Variants in FCRLB observed in about 807,000 individuals in gnomAD.
The protein encoded by FCRLB is Fc receptor-like B.
A neutral mutation model predicts 33.6 loss-of-function variants in FCRLB; 34 were observed. The ratio of observed to expected loss-of-function variants is 1.01; its 90% CI spans 0.77 to 1.35. The LOEUF (loss-of-function observed/expected upper bound fraction) is 1.35. Among genes scored for constraint, FCRLB ranks in the 40% most tolerant of loss-of-function variants. The probability of loss-of-function intolerance (pLI) is 0.00; values close to 1 mark genes in which losing one functional copy is unlikely to be tolerated. For missense variants in FCRLB, 560 were observed against 580.2 expected, an observed-to-expected ratio of 0.97 and a Z score of 0.36; for synonymous variants, 280 against 255.9, an observed-to-expected ratio of 1.09 and a Z score of -0.90.
intron 5 of FCRLB, among the ~76,000 whole-genome samples, chr1:161,725,180 A>C (rs1471774792): frequency 6.6e-6 from 1 of 152,176 alleles, no homozygotes; most frequent in African/African-American, 2.4e-5. Context: ...GTTATAGTTG[A>C]TTCTCATGGT....
chr1:161,726,062 C>T lies in FCRLB; in HGVS notation c.549C>T (p.Ser183=), dbSNP rs1195587552. The T allele has an allele frequency of 1.2e-6, 2 of 1,611,604 alleles. No individual in the cohort carries two copies. The highest frequency in any genetic ancestry group is 1.7e-6 in the Non-Finnish European group (2 of 1,178,344). Residue 183 remains serine, a synonymous_variant, in exon 6 of 8, where the codon TCC becomes TCT. Coordinates refer to ENST00000367948, the Ensembl canonical transcript of FCRLB. This position sits in a 1 kb window ranked among gnomAD's most constrained non-coding sequence, Gnocchi z 5.2. Reference sequence around the variant, plus strand: ...CGGTGGAGAGCGCGCCCATGTTCTCCGCTAAGGTGGCTGTGACAGTGCAAG... The same window carrying T: ...CGGTGGAGAGCGCGCCCATGTTCTCTGCTAAGGTGGCTGTGACAGTGCAAG...
rs775595991 is a variant in FCRLB, at chr1:161,723,635, G to A, written c.307+14G>A. 1 of 1,609,708 alleles carries A rather than the reference G, an allele frequency of 6.2e-7. No individual in the cohort carries two copies. Among genetic ancestry groups the A allele is most frequent in the South Asian group, 1.1e-5 (1 of 90,788 alleles). On this transcript the variant is annotated intron_variant, in intron 5 of 7. Transcript: ENST00000367948. ...CTGTATCCAATGGTGAGTGGACTGA[G>A]CACGAGGGGAGGGGGAGCACGTGTC...
exon 5 of FCRLB, chr1:161,723,385 T>C (rs761831033): frequency 1.9e-6 from 3 of 1,613,324 alleles, no homozygotes; most frequent in East Asian, 4.5e-5. Context: ...GAGAAGCCCA[T>C]ATTGTCTCTA....
Position 161,726,845 on chromosome 1 carries a change from C to T in FCRLB, c.717C>T (p.Tyr239=). The change falls in exon 7 of 8, where the codon TAC becomes TAT. Residue 239 remains tyrosine, a synonymous_variant. Transcript: ENST00000367948. The surrounding 1 kb of genome is among the most constrained non-coding windows in gnomAD (Gnocchi z 5.2). ...CGCTGCAGTTCGCGTTTTACAAGTA[C>T]AGCCGCGCGGTGCGCCGCTTCGACT... 6.4e-7 allele frequency: 1 copy of T among 1,573,540 alleles called. No individual in the cohort carries two copies. Among genetic ancestry groups the T allele is most frequent in the Non-Finnish European group, 8.6e-7 (1 of 1,159,724 alleles).
chr1:161,727,305 T>A, exon 8 of FCRLB: 1 of 1,613,466 alleles, frequency 6.2e-7, no homozygotes, highest in Non-Finnish European at 8.5e-7. Flanking sequence ...CAGCCTTGGC[T>A]CCTGGTAATA....
rs374020329 is a variant in FCRLB at position 161,727,597 on chromosome 1, G to T, written c.1216G>T (p.Glu406Ter). ...CCTCCGGGAGCTCAGGGGAACGCCC[G>T]AGACCCCCACCTCTCACTTTGCTGT... The change falls in exon 8 of 8, where the codon GAG becomes TAG. Residue 406 changes from glutamate (E) to a stop codon, truncating the protein, a stop_gained. Transcript: ENST00000367948. LOFTEE classifies it low-confidence loss of function (END_TRUNC). 16 of 1,614,050 alleles carry T rather than the reference G, an allele frequency of 9.9e-6. No homozygotes were observed. The African/African-American group carries it at 1.3e-4, about 13-fold the overall frequency.
At chr1:161,725,691 A>C in intron 5 of FCRLB, 130 bp from the exon 6 acceptor site, 1 of 1,121,344 alleles carries the variant, frequency 8.9e-7, no homozygotes. Flanking sequence ...AAAAGAAAAG[A>C]AAGCGGTGGG....
At chr1:161,721,547 G>A (rs1182536667), upstream of FCRLB, 1 of 152,152 alleles carries the variant, frequency 6.6e-6, no homozygotes. Context: ...GGAACTTCAG[G>A]CATCAGCAAG....
Position 161,726,115 on chromosome 1 carries a change from G to T in FCRLB, c.574+28G>T. On this transcript the variant is annotated intron_variant, in intron 6 of 7. Coordinates refer to ENST00000367948, the Ensembl canonical transcript of FCRLB. This position sits in a 1 kb window ranked among gnomAD's most constrained non-coding sequence, Gnocchi z 5.2. ...GGGAGAGACCAGGGGCCCCGGGAGGGAGGCAAATGAGCATTGAGAAATTCT... is the reference window on the plus strand; with the variant it reads ...GGGAGAGACCAGGGGCCCCGGGAGGTAGGCAAATGAGCATTGAGAAATTCT... 1 of 1,606,520 alleles carries T rather than the reference G, an allele frequency of 6.2e-7. No homozygotes were observed. The highest frequency in any genetic ancestry group is 1.3e-5 in the African/African-American group (1 of 74,854).
exon 3 of FCRLB, chr1:161,722,656 C>T: frequency 6.2e-7 from 1 of 1,614,078 alleles, no homozygotes; most frequent in East Asian, 2.2e-5. Flanking sequence ...TCTGCAGCTG[C>T]TGCAGTCAGA....
intron 2 of FCRLB, among the ~76,000 whole-genome samples, chr1:161,722,338 G>A (rs537139561): frequency 3.7e-4 from 57 of 152,330 alleles, no homozygotes; most frequent in African/African-American, 1.3e-3. Flanking sequence ...GAAGATGGCG[G>A]GGTCATCTGC....
At chr1:161,725,872 T>C in exon 6 of FCRLB, 3 of 1,614,120 alleles carry the variant, frequency 1.9e-6, no homozygotes, top group Non-Finnish European at 2.5e-6. Flanking sequence ...GGTGAGCCGC[T>C]AGTCCTGCGC....
At position 161,726,755 on chromosome 1, in the gene FCRLB, C is replaced by A; in HGVS notation, c.627C>A (p.Gly209=). ...TGATGGGTCCGCGGGAGGCCCGCGG[C>A]GCGGCGCTGGGTGGGGTGGTGCTGC... is the stretch of plus-strand genomic sequence containing the variant. Residue 209 remains glycine, a synonymous_variant, in exon 7 of 8, where the codon GGC becomes GGA. Transcript: ENST00000367948. The surrounding 1 kb of genome is among the most constrained non-coding windows in gnomAD (Gnocchi z 5.2). 1 of 1,588,496 alleles carries A rather than the reference C, an allele frequency of 6.3e-7. No homozygotes were observed. Among genetic ancestry groups the A allele is most frequent in the Non-Finnish European group, 8.5e-7 (1 of 1,171,108 alleles).
chr1:161,725,716 G>A (rs1039296167), intron 5 of FCRLB, 105 bp from the exon 6 acceptor site: 22 of 1,319,746 alleles, frequency 1.7e-5, no homozygotes, highest in Middle Eastern at 2.7e-4. Context: ...GGCGGGGAAG[G>A]GAGGGAGAGG....
At chr1:161,727,154 C>A in intron 7 of FCRLB, 93 bp from the exon 8 acceptor site, 1 of 1,390,892 alleles carries the variant, frequency 7.2e-7, no homozygotes, top group Non-Finnish European at 9.5e-7. Context: ...TCCGGCCTTC[C>A]CCATCCCCGC....
chr1:161,723,465 C>CTCCTGGAGCTCCAGCCCA, exon 5 of FCRLB: 1 of 1,614,204 alleles, frequency 6.2e-7, no homozygotes, highest in South Asian at 1.1e-5. Flanking sequence ...CCACCCACTG[C>CTCCTGGAGCTCCAGCCCA]TCCTGGAGCT....
chr1:161,723,434 A>G (rs2101674505), exon 5 of FCRLB: 1 of 1,614,152 alleles, frequency 6.2e-7, no homozygotes, highest in South Asian at 1.1e-5. Flanking sequence ...GGGAGCGGGT[A>G]ACTTTGAAGT....
At chr1:161,727,265 C>T in exon 8 of FCRLB, 1 of 1,607,834 alleles carries the variant, frequency 6.2e-7, no homozygotes, top group Non-Finnish European at 8.5e-7. Context: ...CTGGACCCGG[C>T]CTCCACCACC....
chr1:161,723,110 A>C, intron 4 of FCRLB, 101 bp downstream of exon 4: 1 of 1,451,038 alleles, frequency 6.9e-7, no homozygotes, highest in Non-Finnish European at 9.6e-7. Context: ...CTGCGCTGGG[A>C]TAGTGTCTCT....
Sources: gnomAD v4.1 joint callset for allele counts (sites outside exome capture counted in the v4.1 genomes callset) on GRCh38, gnomAD v4.1.1 for gene constraint, Gnocchi (gnomAD v3.1) non-coding constraint, MANE v1.5 for transcripts, NCBI Gene and HGNC (gene_info 2026-07-23, HGNC 2026-07-21) for gene names.